PIK3C2G: variants seen among roughly 807,000 people sequenced by gnomAD.
The protein encoded by PIK3C2G is phosphatidylinositol 3-kinase C2 domain-containing subunit gamma.
A neutral mutation model predicts 181.1 loss-of-function variants in PIK3C2G; 168 were observed. That is an observed-to-expected ratio of 0.93 (90% CI 0.82 to 1.05). PIK3C2G has a LOEUF of 1.05. Ranked by LOEUF, PIK3C2G falls within the 50% of genes least tolerant of loss-of-function variation. PIK3C2G has a pLI of 0.00. For missense variants in PIK3C2G, 1,869 were observed against 1,732.8 expected, an observed-to-expected ratio of 1.08 and a Z score of -1.40; for synonymous variants, 573 against 592.2, an observed-to-expected ratio of 0.97 and a Z score of 0.47.
chr12:18,442,972 A>G (rs1357031503), intron 18 of PIK3C2G, among the ~76,000 whole-genome samples: 3 of 152,054 alleles, frequency 2.0e-5, no homozygotes, highest in Non-Finnish European at 4.4e-5. Context: ...CCCGGGTTCA[A>G]GAGATTCTCC....
At position 18,535,852 on chromosome 12, in the gene PIK3C2G, G is replaced by A. The variant is rs865801394; in HGVS notation, c.3324-2304G>A. 2.0e-4 allele frequency among the ~76,000 whole-genome samples: 30 copies of A among 152,092 alleles called. No individual in the cohort carries two copies. The South Asian group carries it at 2.9e-3, about 15-fold the overall frequency. ...TATATAAAAAATGCTATCAGCTATC[G>A]CAAGGACAAAAAACCAAACACCGCA... On this transcript the variant is annotated intron_variant, in intron 24 of 32. Coordinates refer to ENST00000538779, the MANE Select transcript of PIK3C2G (RefSeq NM_001288772.2).
At chr12:18,717,075 T>C in the PIK3C2G span, among the ~76,000 whole-genome samples, 1 of 152,130 alleles carries the variant, frequency 6.6e-6, no homozygotes, top group Non-Finnish European at 1.5e-5. Context: ...TGAAAGACTT[T>C]CATACTAAGC....
intron 1 of PIK3C2G, among the ~76,000 whole-genome samples, chr12:18,277,714 T>C (rs776917921): frequency 2.6e-5 from 4 of 152,154 alleles, no homozygotes; most frequent in African/African-American, 4.8e-5. Context: ...AAAATAAACA[T>C]TTTTGTTCCT....
At chr12:18,273,375 G>A (rs976246314) in intron 1 of PIK3C2G, among the ~76,000 whole-genome samples, 47 of 152,022 alleles carry the variant, frequency 3.1e-4, no homozygotes, top group African/African-American at 7.7e-4. Context: ...GGTTACTGTA[G>A]CCTTGTAGTA....
At chr12:18,244,467 G>A (rs553136899), upstream of PIK3C2G, among the ~76,000 whole-genome samples, 51 of 152,016 alleles carry the variant, frequency 3.4e-4, no homozygotes, top group South Asian at 1.9e-3. Flanking sequence ...AACTTTTTCC[G>A]TACTTTTGGT....
At chr12:18,685,601 C>A in the PIK3C2G span, 2 of 514,072 alleles carry the variant, frequency 3.9e-6, no homozygotes, top group South Asian at 1.4e-5. Flanking sequence ...GCAGTCTATG[C>A]CCACAGAAAT....
chr12:18,708,260 G>A, the PIK3C2G span, among the ~76,000 whole-genome samples: 1 of 151,996 alleles, frequency 6.6e-6, no homozygotes, highest in African/African-American at 2.4e-5. Context: ...CCACATAAAA[G>A]TGAGATCAGG....
In PIK3C2G at chr12:18,440,655, G is replaced by T. The variant is rs1220922642; in HGVS notation, c.2504+16616G>T. 2.0e-5 allele frequency among the ~76,000 whole-genome samples: 3 copies of T among 152,060 alleles called. No individual in the cohort carries two copies. In the East Asian group the frequency reaches 5.8e-4, roughly 29 times the overall value. Reference sequence around the variant, plus strand: ...GGGGTGTTGGGAGGACAACAATGGGGCTAAGGTGGCTGGGTTAACTTGAAT... The same window carrying T: ...GGGGTGTTGGGAGGACAACAATGGGTCTAAGGTGGCTGGGTTAACTTGAAT... On this transcript the variant is annotated intron_variant, in intron 18 of 32. Transcript: ENST00000538779.
the PIK3C2G span, chr12:18,699,957 A>G: frequency 1.9e-6 from 3 of 1,605,604 alleles, no homozygotes; most frequent in Non-Finnish European, 2.6e-6. Flanking sequence ...TGGTCTAAAA[A>G]TAAAATGCAG....
the PIK3C2G span, chr12:18,701,800 C>T: frequency 6.3e-7 from 1 of 1,579,614 alleles, no homozygotes; most frequent in South Asian, 1.1e-5. Context: ...TTGAGAGATA[C>T]AATTACACAT....
upstream of PIK3C2G, among the ~76,000 whole-genome samples, chr12:18,246,403 A>C (rs1200424772): frequency 6.6e-6 from 1 of 152,214 alleles, no homozygotes; most frequent in African/African-American, 2.4e-5. Flanking sequence ...GATGTATTAT[A>C]CTGAGTCCAA....
At chr12:18,357,121 A>G (rs888628436) in intron 11 of PIK3C2G, among the ~76,000 whole-genome samples, 6 of 152,212 alleles carry the variant, frequency 3.9e-5, no homozygotes, top group African/African-American at 1.4e-4. Flanking sequence ...CTAAAAAAAG[A>G]TATCTCAAAA....
chr12:18,688,339 T>G, the PIK3C2G span: 1 of 1,009,042 alleles, frequency 9.9e-7, no homozygotes, highest in Non-Finnish European at 1.4e-6. Context: ...CCCACAAACA[T>G]TGAAAGTGGA....
intron 29 of PIK3C2G, among the ~76,000 whole-genome samples, chr12:18,585,961 T>G (rs1478356316): frequency 2.6e-5 from 4 of 152,104 alleles, no homozygotes; most frequent in Admixed American, 6.6e-5. Flanking sequence ...GGGTATACAA[T>G]GAAATTAAGG....
chr12:18,322,608 A>G (rs1351596393), intron 7 of PIK3C2G, among the ~76,000 whole-genome samples: 1 of 152,134 alleles, frequency 6.6e-6, no homozygotes, highest in Non-Finnish European at 1.5e-5. Flanking sequence ...GAGAGGCTAA[A>G]TAATTCACCT....
intron 3 of PIK3C2G, among the ~76,000 whole-genome samples, chr12:18,288,265 A>G (rs535642638): frequency 6.6e-6 from 1 of 152,360 alleles, no homozygotes; most frequent in African/African-American, 2.4e-5. Context: ...ACATTTTTAT[A>G]AGCTTTCAGT....
At chr12:18,542,420 T>G (rs1944206007) in intron 25 of PIK3C2G, among the ~76,000 whole-genome samples, 1 of 151,878 alleles carries the variant, frequency 6.6e-6, no homozygotes, top group Admixed American at 6.6e-5. Flanking sequence ...TAAACTTTTA[T>G]TTTAGATTCA....
the PIK3C2G span, among the ~76,000 whole-genome samples, chr12:18,660,124 G>C: frequency 6.6e-6 from 1 of 152,082 alleles, no homozygotes; most frequent in Admixed American, 6.6e-5. Flanking sequence ...TCTACTGAAG[G>C]CTTGCTTGCA....
the PIK3C2G span, among the ~76,000 whole-genome samples, chr12:18,679,213 G>T: frequency 6.6e-6 from 1 of 151,680 alleles, no homozygotes; most frequent in Non-Finnish European, 1.5e-5. Flanking sequence ...ATATAGTCTG[G>T]ATATAAGTCC....
Sources: allele counts gnomAD v4.1 joint callset (sites outside exome capture counted in the v4.1 genomes callset), GRCh38; gene constraint gnomAD v4.1.1; transcripts MANE v1.5; gene names NCBI Gene and HGNC (gene_info 2026-07-23, HGNC 2026-07-21).